ELAPOR2: variants seen among roughly 807,000 people sequenced by gnomAD.
ELAPOR2 encodes endosome/lysosome-associated apoptosis and autophagy regulator family member 2.
In ELAPOR2, 89 loss-of-function variants were observed where a neutral mutation model predicts 120.7. The observed-to-expected ratio is 0.74, with a 90% CI of 0.62 to 0.88. The LOEUF is 0.88. Ranked by LOEUF, ELAPOR2 falls within the 40% of genes least tolerant of loss-of-function variation. The pLI is 0.00. For synonymous variants in ELAPOR2, 444 were observed against 444.9 expected (o/e 1.00, Z 0.03); for missense variants, 1,134 against 1,251.6 (o/e 0.91, Z 1.42).
chr7:86,893,166 G>T, intron 19 of ELAPOR2, 66 bp from the exon 20 acceptor site: 2 of 1,292,706 alleles, frequency 1.5e-6, no homozygotes, highest in Non-Finnish European at 2.1e-6. Flanking sequence ...AACTGTGAAA[G>T]CTAGATTTGT....
At chr7:86,984,978 G>T (rs556201351) in intron 1 of ELAPOR2, among the ~76,000 whole-genome samples, 35 of 151,474 alleles carry the variant, frequency 2.3e-4, no homozygotes, top group Admixed American at 3.9e-4. Flanking sequence ...ATCAAATAGA[G>T]GCAATAAAAA....
chr7:86,890,755 A>G (rs775244173), intron 21 of ELAPOR2, among the ~76,000 whole-genome samples: 8 of 152,042 alleles, frequency 5.3e-5, no homozygotes, highest in Non-Finnish European at 1.2e-4. Flanking sequence ...CCCTCCTTAC[A>G]TCTTCATATT....
chr7:87,049,884 G>A (rs1426740637), intron 1 of ELAPOR2, among the ~76,000 whole-genome samples: 1 of 152,164 alleles, frequency 6.6e-6, no homozygotes, highest in African/African-American at 2.4e-5. Flanking sequence ...CTAATGGGAG[G>A]TATTGGTTCA....
intron 1 of ELAPOR2, among the ~76,000 whole-genome samples, chr7:87,029,632 T>C (rs1794363749): frequency 6.6e-6 from 1 of 152,232 alleles, no homozygotes; most frequent in Admixed American, 6.5e-5. Context: ...ATAAGTAATG[T>C]AAATAATGTA....
intron 10 of ELAPOR2, among the ~76,000 whole-genome samples, chr7:86,921,808 G>A (rs943123549): frequency 2.0e-5 from 3 of 152,018 alleles, no homozygotes; most frequent in African/African-American, 7.2e-5. Context: ...AAGAAATGCA[G>A]GAGGACAATG....
At chr7:86,909,425 C>T (rs923563662) in intron 16 of ELAPOR2, among the ~76,000 whole-genome samples, 7 of 152,018 alleles carry the variant, frequency 4.6e-5, no homozygotes, top group African/African-American at 1.7e-4. Context: ...CACCTGCTTC[C>T]TTTTGGTATG....
intron 1 of ELAPOR2, among the ~76,000 whole-genome samples, chr7:87,036,072 A>C (rs1794578762): frequency 6.6e-6 from 1 of 152,360 alleles, no homozygotes; most frequent in Admixed American, 6.5e-5. Flanking sequence ...AGCATCACAT[A>C]CATTAATAAT....
chr7:86,973,558 G>T (rs894003932), intron 1 of ELAPOR2, among the ~76,000 whole-genome samples: 1 of 152,084 alleles, frequency 6.6e-6, no homozygotes, highest in Non-Finnish European at 1.5e-5. Flanking sequence ...CCTGCACCCT[G>T]AGAGGTCTGC....
intron 15 of ELAPOR2, among the ~76,000 whole-genome samples, chr7:86,911,076 G>C (rs1789285002): frequency 6.6e-6 from 1 of 152,076 alleles, no homozygotes; most frequent in Admixed American, 6.6e-5. Context: ...AGAAGCTAGA[G>C]GTGAAGAGAA....
chr7:86,952,072 A>C (rs950334669), intron 2 of ELAPOR2, among the ~76,000 whole-genome samples: 40 of 152,240 alleles, frequency 2.6e-4, no homozygotes, highest in Admixed American at 2.6e-3. Flanking sequence ...TGAGAAAAGC[A>C]GTAAGAAGTC....
chr7:86,908,424 A>G (rs922517308), intron 17 of ELAPOR2, 23 bp downstream of exon 17: 2 of 1,298,328 alleles, frequency 1.5e-6, no homozygotes, highest in Non-Finnish European at 2.2e-6. Context: ...AATATAGTCA[A>G]GGGAAACAGC....
At chr7:87,036,250 G>C (rs1794584305) in intron 1 of ELAPOR2, among the ~76,000 whole-genome samples, 1 of 152,208 alleles carries the variant, frequency 6.6e-6, no homozygotes, top group Non-Finnish European at 1.5e-5. Flanking sequence ...GAGGTGGGAT[G>C]ATTACTTGAG....
chr7:87,006,712 G>T (rs955986021), intron 1 of ELAPOR2, among the ~76,000 whole-genome samples: 2 of 152,030 alleles, frequency 1.3e-5, no homozygotes, highest in African/African-American at 4.8e-5. Flanking sequence ...TTACCCAAAA[G>T]ATATAAAACC....
chr7:86,987,707 G>T (rs1792801370), intron 1 of ELAPOR2, among the ~76,000 whole-genome samples: 1 of 151,702 alleles, frequency 6.6e-6, no homozygotes, highest in African/African-American at 2.4e-5. Flanking sequence ...ACAGATGCTG[G>T]AGAGGATGTG....
chr7:86,916,729 C>T (rs1201628008), intron 12 of ELAPOR2, among the ~76,000 whole-genome samples: 1 of 152,088 alleles, frequency 6.6e-6, no homozygotes, highest in Non-Finnish European at 1.5e-5. Context: ...CCAGGGTCCA[C>T]ACTTTAAGAA....
At chr7:87,036,848 G>A (rs1794604244) in intron 1 of ELAPOR2, among the ~76,000 whole-genome samples, 1 of 152,190 alleles carries the variant, frequency 6.6e-6, no homozygotes, top group African/African-American at 2.4e-5. Flanking sequence ...GTACCTGGGT[G>A]ATGGGATCAT....
chr7:86,923,420 A>T (rs1443556950), intron 10 of ELAPOR2, among the ~76,000 whole-genome samples: 1 of 152,152 alleles, frequency 6.6e-6, no homozygotes, highest in East Asian at 1.9e-4. Context: ...ATGTATCATT[A>T]AAAAACCACT....
chr7:86,948,060 C>T, intron 2 of ELAPOR2, 138 bp from the exon 3 acceptor site: 2 of 628,338 alleles, frequency 3.2e-6, no homozygotes, highest in South Asian at 4.3e-5. Flanking sequence ...CCTCTTATCA[C>T]TACATGCATT....
At chr7:86,990,691 AT>A (rs1447435545) in intron 1 of ELAPOR2, among the ~76,000 whole-genome samples, 2 of 152,118 alleles carry the variant, frequency 1.3e-5, no homozygotes, top group African/African-American at 4.8e-5. Context: ...TTCAGAGATT[AT>A]TTTTTCTGAG....
Sources: allele counts gnomAD v4.1 joint callset (sites outside exome capture counted in the v4.1 genomes callset), GRCh38; gene constraint gnomAD v4.1.1; transcripts MANE v1.5; gene names NCBI Gene and HGNC (gene_info 2026-07-23, HGNC 2026-07-21).